The following KIF17 variants were observed in gnomAD, a reference collection of about 807,000 sequenced individuals.
KIF17 encodes the protein kinesin-like protein KIF17.
Under a neutral mutation model 96.8 loss-of-function variants are expected in KIF17, and 80 were observed. The observed-to-expected ratio is 0.83, with a 90% CI of 0.69 to 1.00. The LOEUF is 1.00. KIF17 is among the 50% of genes least tolerant of loss of function. The pLI is 0.00. For missense variants in KIF17, 1,280 were observed against 1,372.9 expected (o/e 0.93, Z 1.07); for synonymous variants, 567 against 587.5 (o/e 0.97, Z 0.51).
chr1:20,663,516 A>C (rs2053472852), downstream of KIF17, among the ~76,000 whole-genome samples: 1 of 152,208 alleles, frequency 6.6e-6, no homozygotes. Flanking sequence ...CGTTATCCCC[A>C]TTTCACAGAT....
At chr1:20,692,867 AG>A (rs2054066822) in intron 6 of KIF17, 1 of 149,964 alleles carries the variant, frequency 6.7e-6, no homozygotes, top group African/African-American at 2.5e-5. Context: ...TCCACCTCCC[AG>A]GTTGCAGCAA....
rs1553152135 is a variant in KIF17 at position 20,704,392 on chromosome 1, G to A, written c.1123+55C>T. ...GTTGGAGGCGAGAAGACAGAGGGAA[G>A]GAAGCTTTCTCCTGGGGACCTGGCC... On this transcript the variant is annotated intron_variant, in intron 5 of 14. Transcript: ENST00000400463. The surrounding 1 kb of genome is among the most constrained non-coding windows in gnomAD (Gnocchi z 6.8). 7.0e-7 allele frequency: 1 copy of A among 1,434,432 alleles called. No homozygotes were observed. The highest frequency in any genetic ancestry group is 9.7e-7 in the Non-Finnish European group (1 of 1,033,832). 88.9% of individuals were successfully genotyped at this position (1,434,432 alleles called of 1,614,324 possible).
intron 2 of KIF17, 68 bp downstream of exon 2, chr1:20,715,425 A>T (rs974495719): frequency 1.3e-6 from 2 of 1,592,782 alleles, no homozygotes; most frequent in Non-Finnish European, 1.7e-6. Context: ...TGTCTCTGCC[A>T]CCTGTCAGAA....
In KIF17 at chr1:20,685,648, T is replaced by C. The variant is rs1012595712; in HGVS notation, c.2019+398A>G. On this transcript the variant is annotated intron_variant, in intron 9 of 14. Transcript: ENST00000400463. The surrounding 1 kb of genome is among the most constrained non-coding windows in gnomAD (Gnocchi z 4.1). ...CCAAACTGTCTTCTTCCTCTATAAA[T>C]GTAGGGAGATTTAAAGCTTCCTCTC... Among the ~76,000 whole-genome samples, 1 of 152,058 alleles carries C rather than the reference T, an allele frequency of 6.6e-6. No individual in the cohort carries two copies. The highest frequency in any genetic ancestry group is 2.4e-5 in the African/African-American group (1 of 41,414).
chr1:20,666,407 C>T, intron 13 of KIF17, 76 bp from the exon 14 acceptor site: 1 of 1,242,298 alleles, frequency 8.0e-7, no homozygotes, highest in East Asian at 2.3e-5. Context: ...CCTCTGGTAT[C>T]CTGGGGCAGT....
At chr1:20,713,607 G>T in intron 2 of KIF17, 52 bp from the exon 3 acceptor site, 1 of 1,382,928 alleles carries the variant, frequency 7.2e-7, no homozygotes, top group Non-Finnish European at 1.0e-6. Context: ...AAGTCCACCT[G>T]CTGCCAGGTC....
chr1:20,717,390 G>C lies in KIF17; in HGVS notation c.231+86C>G, dbSNP rs906631741. 2.0e-6 allele frequency: 3 copies of C among 1,497,564 alleles called. No individual in the cohort carries two copies. In the African/African-American group the frequency reaches 4.1e-5, roughly 21 times the overall value. 92.8% of individuals were successfully genotyped at this position (1,497,564 alleles called of 1,614,324 possible). A position where few individuals can be genotyped will look rare whatever the true frequency, so the allele number is the denominator to read the frequency against. On this transcript the variant is annotated intron_variant, in intron 1 of 14. Transcript: ENST00000400463. Reference sequence around the variant, plus strand: ...GCGCCCCTCGAGGGCCTTTCCTCCTGGCTGGGGGGCAGCGCAGCCCCCTGG... The same window carrying C: ...GCGCCCCTCGAGGGCCTTTCCTCCTCGCTGGGGGGCAGCGCAGCCCCCTGG...
intron 6 of KIF17, among the ~76,000 whole-genome samples, chr1:20,691,742 T>C (rs1179295629): frequency 6.6e-6 from 1 of 151,906 alleles, no homozygotes; most frequent in Non-Finnish European, 1.5e-5. Flanking sequence ...GTGCTGGGAT[T>C]ACAGGCATGA....
Position 20,684,949 on chromosome 1 carries a change from A to G in KIF17, c.2091T>C (p.Ala697=), listed in dbSNP as rs1489898049. ...RTAEPGVWLE[A]QAPVALVAQP... is the part of the protein sequence containing the mutation. ...GAGCCACCAGGGCCACCGGGGCCTGAGCCTCCAACCACACGCCAGGCTCTG... is the reference window on the plus strand; with the variant it reads ...GAGCCACCAGGGCCACCGGGGCCTGGGCCTCCAACCACACGCCAGGCTCTG... The change falls in exon 10 of 15, where the codon GCT becomes GCC. Residue 697 remains alanine (A), a synonymous_variant. Transcript: ENST00000400463. 6.2e-7 allele frequency: 1 copy of G among 1,603,990 alleles called. No individual in the cohort carries two copies. The highest frequency in any genetic ancestry group is 8.5e-7 in the Non-Finnish European group (1 of 1,175,666).
chr1:20,715,324 C>G (rs1251513577), intron 2 of KIF17, among the ~76,000 whole-genome samples, 169 bp downstream of exon 2: 2 of 152,198 alleles, frequency 1.3e-5, no homozygotes, highest in Non-Finnish European at 2.9e-5. Flanking sequence ...AGAATTTTCT[C>G]TGTTCTAAGT....
downstream of KIF17, among the ~76,000 whole-genome samples, chr1:20,663,401 T>C (rs1171744029): frequency 2.0e-5 from 3 of 152,056 alleles, no homozygotes; most frequent in African/African-American, 7.2e-5. Context: ...GCCATAGAAA[T>C]TGATACAAAA....
Position 20,714,491 on chromosome 1 carries a change from A to G in KIF17, c.379-936T>C, listed in dbSNP as rs551087919. 2.7e-4 allele frequency among the ~76,000 whole-genome samples: 41 copies of G among 151,266 alleles called. 3 individuals are homozygous for G. Among genetic ancestry groups the G allele is most frequent in the Non-Finnish European group, 1.2e-4 (8 of 67,858 alleles). ...GGCGAAAGAGCAAGACTCCGTCTCA[A>G]AAACAAAAACAAAAACAAACAAAGA... On this transcript the variant is annotated intron_variant, in intron 2 of 14. Transcript: ENST00000400463.
downstream of KIF17, chr1:20,661,670 C>A: frequency 2.2e-6 from 1 of 456,130 alleles, no homozygotes. Flanking sequence ...TCCGCCCAGG[C>A]CGGCCTCCCG....
At chr1:20,662,793 C>T (rs959868412), downstream of KIF17, among the ~76,000 whole-genome samples, 3 of 152,218 alleles carry the variant, frequency 2.0e-5, no homozygotes, top group Admixed American at 6.5e-5. Context: ...TCCACACCTC[C>T]TGCCTTTTGC....
intron 4 of KIF17, among the ~76,000 whole-genome samples, chr1:20,705,714 C>T (rs945787536): frequency 1.3e-5 from 2 of 152,018 alleles, no homozygotes; most frequent in Non-Finnish European, 2.9e-5. Flanking sequence ...CGTGCGGAAG[C>T]CTCTGGAATC....
At chr1:20,662,208 T>G (rs539539084), downstream of KIF17, among the ~76,000 whole-genome samples, 2 of 152,342 alleles carry the variant, frequency 1.3e-5, no homozygotes, top group African/African-American at 4.8e-5. Context: ...AGCGCCGGGC[T>G]AGAGTGAACA....
intron 3 of KIF17, 35 bp downstream of exon 3, chr1:20,713,419 C>T (rs760151000): frequency 2.6e-6 from 4 of 1,522,918 alleles, no homozygotes; most frequent in Non-Finnish European, 3.6e-6. Flanking sequence ...CTCCCCCCTA[C>T]CAGCCCCACC....
intron 1 of KIF17, among the ~76,000 whole-genome samples, chr1:20,716,216 T>C (rs1181096706): frequency 1.5e-5 from 2 of 131,308 alleles, no homozygotes; most frequent in African/African-American, 3.0e-5. Context: ...CACCCCAGCC[T>C]GGGCGACAGC....
At position 20,700,301 on chromosome 1, in the gene KIF17, C is replaced by A; in HGVS notation, c.1124-1813G>T. Among the ~76,000 whole-genome samples the A allele has an allele frequency of 6.6e-6, 1 of 152,162 alleles. No individual in the cohort carries two copies. Among genetic ancestry groups the A allele is most frequent in the East Asian group, 1.9e-4 (1 of 5,188 alleles). ...GGCCAGGCTGGTCTCCAACTCCTGA[C>A]CTCAAGTGATCTGCCCACCTCGGCC... On this transcript the variant is annotated intron_variant, in intron 5 of 14. Transcript: ENST00000400463. This position sits in a 1 kb window ranked among gnomAD's most constrained non-coding sequence, Gnocchi z 4.6.
Sources: gnomAD v4.1 joint callset for allele counts (sites outside exome capture counted in the v4.1 genomes callset) on GRCh38, gnomAD v4.1.1 for gene constraint, Gnocchi (gnomAD v3.1) non-coding constraint, MANE v1.5 for transcripts, NCBI Gene and HGNC (gene_info 2026-07-23, HGNC 2026-07-21) for gene names.